The following ME1 variants were observed in gnomAD, a reference collection of about 807,000 sequenced individuals.
ME1 encodes malic enzyme 1, also known as NADP-dependent malic enzyme.
In ME1, 74 loss-of-function variants were observed where a neutral mutation model predicts 66.4. The observed-to-expected ratio is 1.11, with a 90% CI of 0.92 to 1.35. The LOEUF is 1.35. Ranked by LOEUF, ME1 falls within the 40% of genes most tolerant of loss-of-function variation. ME1 has a pLI of 0.00. For missense variants in ME1, 750 were observed against 694.1 expected (o/e 1.08, Z -0.90); for synonymous variants, 251 against 235.6 (o/e 1.07, Z -0.60).
intron 2 of ME1, among the ~76,000 whole-genome samples, chr6:83,402,815 AG>A (rs1015918334): frequency 1.3e-5 from 2 of 152,180 alleles, no homozygotes; most frequent in Non-Finnish European, 2.9e-5. Context: ...CTGAGGGCAA[AG>A]GGGATATGGA....
At chr6:83,409,584 T>C (rs754782690) in intron 1 of ME1, among the ~76,000 whole-genome samples, 1 of 152,214 alleles carries the variant, frequency 6.6e-6, no homozygotes, top group Non-Finnish European at 1.5e-5. Context: ...CATTAATTCA[T>C]GTCACTGATG....
chr6:83,405,582 C>T (rs961147685), intron 2 of ME1, among the ~76,000 whole-genome samples: 3 of 152,012 alleles, frequency 2.0e-5, no homozygotes, highest in Non-Finnish European at 4.4e-5. Context: ...TGTCTTGTAC[C>T]GGTTTTCAAA....
chr6:83,388,533 G>C (rs1053496862), intron 3 of ME1, among the ~76,000 whole-genome samples: 5 of 152,142 alleles, frequency 3.3e-5, no homozygotes, highest in African/African-American at 1.2e-4. Flanking sequence ...TTTGTGCCAA[G>C]AATTAGGCTA....
chr6:83,357,935 C>CTATATATA (rs60624497), intron 3 of ME1, among the ~76,000 whole-genome samples: 31 of 30,014 alleles, frequency 1.0e-3, no homozygotes, highest in Admixed American at 1.4e-3. Context: ...CTCTCTCTCT[C>CTATATATA]TATATATATA....
At chr6:83,390,299 A>G (rs1388205786) in intron 3 of ME1, among the ~76,000 whole-genome samples, 1 of 152,188 alleles carries the variant, frequency 6.6e-6, no homozygotes, top group Admixed American at 6.5e-5. Flanking sequence ...CACCAAAACC[A>G]TACACAGTAA....
intron 6 of ME1, among the ~76,000 whole-genome samples, chr6:83,298,280 T>C (rs540785438): frequency 6.6e-6 from 1 of 152,324 alleles, no homozygotes; most frequent in Admixed American, 6.5e-5. Flanking sequence ...TGGTATCTCA[T>C]TGTGGTTTTG....
intron 6 of ME1, among the ~76,000 whole-genome samples, chr6:83,261,887 G>T (rs1401711474): frequency 6.6e-6 from 1 of 151,540 alleles, no homozygotes; most frequent in African/African-American, 2.4e-5. Context: ...GGTGGCAGGC[G>T]CTTGTAATCC....
At chr6:83,285,552 T>C (rs1300153799) in intron 6 of ME1, among the ~76,000 whole-genome samples, 1 of 152,172 alleles carries the variant, frequency 6.6e-6, no homozygotes, top group East Asian at 1.9e-4. Flanking sequence ...CACTGTAAGA[T>C]ATGCAAATAT....
At chr6:83,269,545 T>A (rs1767050005) in intron 6 of ME1, among the ~76,000 whole-genome samples, 1 of 152,194 alleles carries the variant, frequency 6.6e-6, no homozygotes, top group African/African-American at 2.4e-5. Context: ...GCCAGTTTTC[T>A]AAATTGTCTA....
chr6:83,392,764 A>G, intron 3 of ME1: 1 of 669,348 alleles, frequency 1.5e-6, no homozygotes, highest in Non-Finnish European at 2.8e-6. Context: ...GGGAGGAGCC[A>G]AAACGGTCAT....
chr6:83,370,236 T>A (rs1042428150), intron 3 of ME1, among the ~76,000 whole-genome samples: 3 of 152,192 alleles, frequency 2.0e-5, no homozygotes, highest in African/African-American at 7.2e-5. Context: ...CAGTCTGTAC[T>A]GTAATTATTT....
At position 83,393,313 on chromosome 6, in the gene ME1, G is replaced by C; in HGVS notation, c.362+5054C>G. On this transcript the variant is annotated intron_variant, in intron 3 of 13. Coordinates refer to ENST00000369705, the MANE Select transcript of ME1 (RefSeq NM_002395.6). Reference sequence around the variant, plus strand: ...TGCTGGGGCTGGCATTGCCCTCAACGACCACTTTGTCAAGCTCATTTCCTG... The same window carrying C: ...TGCTGGGGCTGGCATTGCCCTCAACCACCACTTTGTCAAGCTCATTTCCTG... 3 of 1,249,202 alleles carry C rather than the reference G, an allele frequency of 2.4e-6. No homozygotes were observed. In the South Asian group the frequency reaches 3.9e-5, roughly 16 times the overall value. The allele number at this position is 1,249,202 out of a possible 1,614,324, so 77.4% of individuals were successfully genotyped here.
At chr6:83,290,160 CT>C (rs1206258929) in intron 6 of ME1, among the ~76,000 whole-genome samples, 6 of 152,022 alleles carry the variant, frequency 3.9e-5, no homozygotes, top group Admixed American at 1.3e-4. Context: ...TATTTCTCGT[CT>C]TCTGCTAGCT....
chr6:83,256,687 C>T lies in ME1; in HGVS notation c.705-2949G>A, dbSNP rs919092754. ...CCCATTTGACCCAGCAATCCCATTACTGGGTATATACCCAAAGGATTATAA... is the reference window on the plus strand; with the variant it reads ...CCCATTTGACCCAGCAATCCCATTATTGGGTATATACCCAAAGGATTATAA... On this transcript the variant is annotated intron_variant, in intron 6 of 13. Transcript: ENST00000369705. 2.0e-5 allele frequency among the ~76,000 whole-genome samples: 3 copies of T among 152,036 alleles called. No homozygotes were observed. In the South Asian group the frequency reaches 6.2e-4, roughly 31 times the overall value.
At chr6:83,340,022 A>G (rs1768548051) in intron 5 of ME1, among the ~76,000 whole-genome samples, 1 of 152,146 alleles carries the variant, frequency 6.6e-6, no homozygotes, top group Non-Finnish European at 1.5e-5. Flanking sequence ...ACATTAGAAG[A>G]ATAGCAGAAT....
At chr6:83,356,517 G>A (rs1251600703) in intron 3 of ME1, among the ~76,000 whole-genome samples, 4 of 152,096 alleles carry the variant, frequency 2.6e-5, no homozygotes, top group African/African-American at 7.2e-5. Context: ...AATTATTAAA[G>A]GGGAAAGAAG....
At chr6:83,309,417 T>C (rs1389648176) in intron 6 of ME1, among the ~76,000 whole-genome samples, 1 of 152,188 alleles carries the variant, frequency 6.6e-6, no homozygotes, top group Non-Finnish European at 1.5e-5. Context: ...AGCTACTAAG[T>C]TTTGTAGGTG....
At chr6:83,352,219 T>G in intron 3 of ME1, 80 bp from the exon 4 acceptor site, 1 of 873,362 alleles carries the variant, frequency 1.1e-6, no homozygotes, top group Non-Finnish European at 1.7e-6. Flanking sequence ...CTTAAATTTT[T>G]TTTCAAACAA....
chr6:83,312,070 A>G (rs1767940992), intron 6 of ME1, among the ~76,000 whole-genome samples: 1 of 152,194 alleles, frequency 6.6e-6, no homozygotes, highest in South Asian at 2.1e-4. Context: ...TAGTTCCCAG[A>G]AGAAAGAACC....
Sources: allele counts gnomAD v4.1 joint callset (sites outside exome capture counted in the v4.1 genomes callset), GRCh38; gene constraint gnomAD v4.1.1; transcripts MANE v1.5; gene names NCBI Gene and HGNC (gene_info 2026-07-23, HGNC 2026-07-21).